Variants in DIAPH3 observed in about 807,000 individuals in gnomAD.
The protein encoded by DIAPH3 is diaphanous related formin 3.
Under a neutral mutation model 144.3 loss-of-function variants are expected in DIAPH3, and 117 were observed. The ratio of observed to expected loss-of-function variants is 0.81; its 90% confidence interval spans 0.70 to 0.95. DIAPH3 has a LOEUF of 0.95. Ranked by LOEUF, DIAPH3 falls within the 40% of genes least tolerant of loss-of-function variation. The pLI is 0.00. For synonymous variants in DIAPH3, 519 were observed against 488.9 expected, an observed-to-expected ratio of 1.06 and a Z score of -0.81; for missense variants, 1,421 against 1,412.7, an observed-to-expected ratio of 1.01 and a Z score of -0.09.
chr13:59,778,463 T>C (rs988907248), intron 25 of DIAPH3, among the ~76,000 whole-genome samples: 2 of 152,230 alleles, frequency 1.3e-5, no homozygotes, highest in African/African-American at 2.4e-5. Flanking sequence ...TTGACTAAAT[T>C]AGCTAAATAT....
chr13:59,903,030 T>A (rs1255738560), intron 20 of DIAPH3, among the ~76,000 whole-genome samples: 1 of 152,152 alleles, frequency 6.6e-6, no homozygotes, highest in Non-Finnish European at 1.5e-5. Flanking sequence ...GGAACTTCTC[T>A]TTTCCAGGAA....
chr13:60,146,656 A>G (rs1283172383), intron 1 of DIAPH3, among the ~76,000 whole-genome samples: 1 of 152,214 alleles, frequency 6.6e-6, no homozygotes, highest in Non-Finnish European at 1.5e-5. Flanking sequence ...TCCAGCCACA[A>G]GCTCAAGCAA....
chr13:60,036,877 T>A (rs567559248), intron 5 of DIAPH3, among the ~76,000 whole-genome samples: 7 of 152,088 alleles, frequency 4.6e-5, no homozygotes, highest in Admixed American at 4.6e-4. Flanking sequence ...TGGTCTAACA[T>A]ATACAAAATT....
At chr13:60,012,305 G>A (rs951788023) in intron 7 of DIAPH3, among the ~76,000 whole-genome samples, 4 of 152,176 alleles carry the variant, frequency 2.6e-5, no homozygotes, top group Non-Finnish European at 4.4e-5. Flanking sequence ...AAGGCCAAGG[G>A]CCCAAGAATA....
chr13:60,147,396 A>T (rs1396088182), intron 1 of DIAPH3: 1 of 152,260 alleles, frequency 6.6e-6, no homozygotes, highest in African/African-American at 2.4e-5. Context: ...TAGAGACTCA[A>T]ATAGGGAAAA....
At chr13:59,914,214 A>G (rs1420478780) in intron 19 of DIAPH3, among the ~76,000 whole-genome samples, 1 of 152,148 alleles carries the variant, frequency 6.6e-6, no homozygotes, top group African/African-American at 2.4e-5. Context: ...CAGAGAACCA[A>G]AATCATGATT....
At chr13:60,071,171 G>A (rs551777166) in intron 4 of DIAPH3, among the ~76,000 whole-genome samples, 1 of 152,084 alleles carries the variant, frequency 6.6e-6, no homozygotes, top group Non-Finnish European at 1.5e-5. Context: ...AGTCATTATT[G>A]TGTTATTTAC....
At chr13:59,714,677 T>A (rs1012227763) in intron 27 of DIAPH3, among the ~76,000 whole-genome samples, 2 of 152,140 alleles carry the variant, frequency 1.3e-5, no homozygotes, top group Non-Finnish European at 2.9e-5. Context: ...CTTCCATCCA[T>A]CCTGTCTATA....
intron 5 of DIAPH3, among the ~76,000 whole-genome samples, chr13:60,017,128 G>T (rs1474880258): frequency 1.3e-5 from 2 of 152,112 alleles, no homozygotes; most frequent in East Asian, 3.8e-4. Flanking sequence ...TTTCGGCCAG[G>T]CGTGGTGGCT....
intron 27 of DIAPH3, among the ~76,000 whole-genome samples, chr13:59,763,994 T>A (rs1031840690): frequency 6.6e-6 from 1 of 151,912 alleles, no homozygotes; most frequent in Non-Finnish European, 1.5e-5. Flanking sequence ...AGACTGTTCA[T>A]TATATCCAGA....
chr13:60,149,606 T>A (rs990016046), intron 1 of DIAPH3, among the ~76,000 whole-genome samples: 1 of 151,760 alleles, frequency 6.6e-6, no homozygotes, highest in African/African-American at 2.4e-5. Flanking sequence ...AATAAATAAA[T>A]TAGCCAAGCG....
Position 60,015,978 on chromosome 13 carries a change from C to A in DIAPH3, c.706G>T (p.Glu236Ter). 6.2e-7 allele frequency: 1 copy of A among 1,613,086 alleles called. No individual in the cohort carries two copies. Among genetic ancestry groups the A allele is most frequent in the South Asian group, 1.1e-5 (1 of 91,012 alleles). ...TGTTGATTTTTCTTTACAACTTTTT[C>A]TTGGCTGTATTGACATAAAAAATAG... Reference protein sequence around the residue: ...LEKLISGKIQEKVVKKNQHKV... With the variant: ...LEKLISGKIQ Residue 236 changes from glutamate to a stop codon, truncating the protein, a stop_gained, in exon 7 of 28, where the codon GAA (glutamate) becomes TAA (stop). Coordinates refer to ENST00000400324, the MANE Select transcript of DIAPH3 (RefSeq NM_001042517.2). LOFTEE classifies it high-confidence loss of function.
At chr13:60,109,224 C>T (rs1349238095) in intron 3 of DIAPH3, among the ~76,000 whole-genome samples, 1 of 152,144 alleles carries the variant, frequency 6.6e-6, no homozygotes, top group Non-Finnish European at 1.5e-5. Flanking sequence ...GAGACACACA[C>T]TTCTTTCACA....
chr13:60,044,272 T>C (rs1373191670), intron 4 of DIAPH3: 3 of 152,198 alleles, frequency 2.0e-5, no homozygotes, highest in African/African-American at 7.2e-5. Flanking sequence ...AATTCGGTGT[T>C]TTTCATGTTT....
intron 4 of DIAPH3, among the ~76,000 whole-genome samples, chr13:60,085,122 T>G (rs908697979): frequency 2.0e-5 from 3 of 152,126 alleles, no homozygotes; most frequent in African/African-American, 7.2e-5. Context: ...TCCTTACTAA[T>G]ATCTGTTCTA....
At chr13:59,984,594 AAGAG>A (rs1465941622) in intron 12 of DIAPH3, among the ~76,000 whole-genome samples, 7 of 151,464 alleles carry the variant, frequency 4.6e-5, no homozygotes, top group South Asian at 2.1e-4. Context: ...TAAAGAAAAA[AAGAG>A]AGAAGAATCA....
chr13:59,904,907 C>T (rs2046642549), intron 20 of DIAPH3, among the ~76,000 whole-genome samples: 1 of 151,770 alleles, frequency 6.6e-6, no homozygotes, highest in African/African-American at 2.4e-5. Context: ...ATATAAACAA[C>T]CAATAAATAC....
chr13:60,015,845 T>C (rs2053605123), intron 7 of DIAPH3, 68 bp downstream of exon 7: 1 of 1,354,878 alleles, frequency 7.4e-7, no homozygotes, highest in African/African-American at 1.4e-5. Context: ...TACCATCACT[T>C]TACTGCAACT....
chr13:59,922,946 C>T (rs1265893740), intron 18 of DIAPH3, among the ~76,000 whole-genome samples: 5 of 152,060 alleles, frequency 3.3e-5, no homozygotes, highest in Admixed American at 2.0e-4. Flanking sequence ...ATTGAAATCA[C>T]TTAACTGCTA....
Sources: allele counts gnomAD v4.1 joint callset (sites outside exome capture counted in the v4.1 genomes callset), GRCh38; gene constraint gnomAD v4.1.1; transcripts MANE v1.5; gene names NCBI Gene and HGNC (gene_info 2026-07-23, HGNC 2026-07-21).